Variants in PLPP3 observed in about 807,000 individuals in gnomAD.
PLPP3 encodes phospholipid phosphatase 3, also known as PAP2 beta.
PLPP3 carries 6 observed loss-of-function variants against 29.6 expected under a neutral mutation model. The ratio of observed to expected loss-of-function variants is 0.20; its 90% confidence interval spans 0.11 to 0.40. The LOEUF (loss-of-function observed/expected upper bound fraction) is 0.40. Ranked by LOEUF, PLPP3 falls within the 10% of genes least tolerant of loss-of-function variation. PLPP3 has a pLI of 1.00. For synonymous variants in PLPP3, 152 were observed against 159.7 expected (o/e 0.95, Z 0.36); for missense variants, 308 against 407.7 (o/e 0.76, Z 2.11).
chr1:56,530,967 G>A (rs1645883839), intron 2 of PLPP3, among the ~76,000 whole-genome samples: 1 of 152,184 alleles, frequency 6.6e-6, no homozygotes, highest in Non-Finnish European at 1.5e-5. Context: ...TAGAGCTCAA[G>A]TGCCAACTAG....
At chr1:56,546,520 C>T (rs1304991923) in intron 1 of PLPP3, among the ~76,000 whole-genome samples, 1 of 152,068 alleles carries the variant, frequency 6.6e-6, no homozygotes, top group South Asian at 2.1e-4. Context: ...TGGATTTATG[C>T]GTATGTCTTA....
intron 5 of PLPP3, among the ~76,000 whole-genome samples, chr1:56,501,693 C>T (rs987954896): frequency 1.3e-5 from 2 of 152,092 alleles, no homozygotes; most frequent in African/African-American, 4.8e-5. Flanking sequence ...CCTTCAAGAG[C>T]ATGAGTACAC....
At chr1:56,511,792 A>T (rs1645742688) in intron 5 of PLPP3, among the ~76,000 whole-genome samples, 184 bp downstream of exon 5, 1 of 151,934 alleles carries the variant, frequency 6.6e-6, no homozygotes, top group African/African-American at 2.4e-5. Flanking sequence ...GCTGGGAAGA[A>T]GCAGGAATTA....
intron 4 of PLPP3, among the ~76,000 whole-genome samples, chr1:56,519,820 G>C (rs1035689171): frequency 6.6e-6 from 1 of 151,964 alleles, no homozygotes; most frequent in Non-Finnish European, 1.5e-5. Context: ...TCTGTGTGCA[G>C]GATAATTTGG....
chr1:56,549,475 T>TG (rs754935611), intron 1 of PLPP3, among the ~76,000 whole-genome samples: 9 of 152,334 alleles, frequency 5.9e-5, no homozygotes, highest in Non-Finnish European at 1.2e-4. Context: ...ATCTGCTCTC[T>TG]GGGGTTCATT....
intron 2 of PLPP3, among the ~76,000 whole-genome samples, chr1:56,533,622 A>G (rs1009793339): frequency 6.6e-6 from 1 of 152,168 alleles, no homozygotes; most frequent in Non-Finnish European, 1.5e-5. Context: ...TGCAAAGAAG[A>G]GCGTGCACAT....
At chr1:56,503,554 T>C (rs1489550378) in intron 5 of PLPP3, among the ~76,000 whole-genome samples, 2 of 151,974 alleles carry the variant, frequency 1.3e-5, no homozygotes, top group Admixed American at 6.6e-5. Context: ...CTGGGCATGA[T>C]TGCACACGCC....
chr1:56,517,754 G>A (rs1645791361), intron 4 of PLPP3, among the ~76,000 whole-genome samples: 1 of 152,194 alleles, frequency 6.6e-6, no homozygotes, highest in Admixed American at 6.5e-5. Context: ...GGCAGTTTGA[G>A]GGCAAAACAC....
At chr1:56,532,761 T>G (rs1238096569) in intron 2 of PLPP3, among the ~76,000 whole-genome samples, 1 of 152,134 alleles carries the variant, frequency 6.6e-6, no homozygotes, top group Non-Finnish European at 1.5e-5. Flanking sequence ...CACAAACATA[T>G]ATTGAGCACC....
At chr1:56,557,008 A>AAG (rs776934339) in intron 1 of PLPP3, among the ~76,000 whole-genome samples, 239 of 13,750 alleles carry the variant, frequency 0.017, 61 homozygotes, top group African/African-American at 0.03. Flanking sequence ...GAAAGAAAGA[A>AAG]AGAGAGAGAG....
chr1:56,540,244 T>C (rs942022901), intron 1 of PLPP3, among the ~76,000 whole-genome samples: 2 of 152,154 alleles, frequency 1.3e-5, no homozygotes, highest in Non-Finnish European at 2.9e-5. Flanking sequence ...CAAATATTTA[T>C]TGAGGCTTAA....
At chr1:56,506,411 C>T (rs984302748) in intron 5 of PLPP3, among the ~76,000 whole-genome samples, 1 of 152,144 alleles carries the variant, frequency 6.6e-6, no homozygotes, top group Admixed American at 6.5e-5. Flanking sequence ...AGACAAAGAA[C>T]GCCCTCGCCC....
At chr1:56,530,546 T>G (rs943677497) in intron 2 of PLPP3, among the ~76,000 whole-genome samples, 1 of 152,234 alleles carries the variant, frequency 6.6e-6, no homozygotes, top group Admixed American at 6.5e-5. Context: ...CTGACAAAGA[T>G]GTGCAATCTT....
chr1:56,556,284 G>A (rs72664363), intron 1 of PLPP3, among the ~76,000 whole-genome samples: 191 of 152,200 alleles, frequency 1.3e-3, no homozygotes, highest in Non-Finnish European at 2.0e-3. Flanking sequence ...TATAAAATGG[G>A]GGAATTTGGT....
At chr1:56,505,552 C>G (rs1327462933) in intron 5 of PLPP3, among the ~76,000 whole-genome samples, 1 of 152,174 alleles carries the variant, frequency 6.6e-6, no homozygotes, top group East Asian at 1.9e-4. Context: ...TCTTCCTCCT[C>G]GTGAGCCTAC....
chr1:56,527,015 T>G (rs1050599888), intron 2 of PLPP3, among the ~76,000 whole-genome samples: 1 of 152,190 alleles, frequency 6.6e-6, no homozygotes, highest in African/African-American at 2.4e-5. Context: ...AGAAAGAACA[T>G]GTGAGTTTCC....
At chr1:56,540,018 T>C (rs1477865056) in intron 1 of PLPP3, among the ~76,000 whole-genome samples, 1 of 152,106 alleles carries the variant, frequency 6.6e-6, no homozygotes, top group Admixed American at 6.6e-5. Flanking sequence ...GCTCACATGA[T>C]AGGCCTGTAA....
At chr1:56,553,234 T>C (rs1248252824) in intron 1 of PLPP3, among the ~76,000 whole-genome samples, 3 of 152,188 alleles carry the variant, frequency 2.0e-5, no homozygotes, top group African/African-American at 7.2e-5. Context: ...GGCCAATGTT[T>C]AATATTTATC....
Position 56,512,396 on chromosome 1 carries a change from G to T in PLPP3, c.634-244C>A, listed in dbSNP as rs538170864. 41 of 408,060 alleles carry T rather than the reference G, an allele frequency of 1.0e-4. No homozygotes were observed. In the South Asian group the frequency reaches 1.4e-3, roughly 14 times the overall value. The allele number at this position is 408,060 out of a possible 1,614,324, so 25.3% of individuals were successfully genotyped here. A position where few individuals can be genotyped will look rare whatever the true frequency, so the allele number is the denominator to read the frequency against. ...TGTGGCTGAGGTGGGCAGATCACCT[G>T]AGGTCAGGTGTTTGAGACCAGTCTG... On this transcript the variant is annotated intron_variant, in intron 4 of 5. Transcript: ENST00000371250.
Sources: allele counts gnomAD v4.1 joint callset (sites outside exome capture counted in the v4.1 genomes callset), GRCh38; gene constraint gnomAD v4.1.1; transcripts MANE v1.5; gene names NCBI Gene and HGNC (gene_info 2026-07-23, HGNC 2026-07-21).